Variants in ANKRD17 observed in about 807,000 individuals in gnomAD.
ANKRD17 encodes ankyrin repeat domain 17.
ANKRD17 carries 19 observed loss-of-function variants against 229.7 expected under a neutral mutation model. The observed-to-expected ratio is 0.08, with a 90% confidence interval of 0.06 to 0.12. ANKRD17 has a LOEUF of 0.12. Ranked by LOEUF, ANKRD17 falls within the 10% of genes least tolerant of loss-of-function variation. The pLI is 1.00. For synonymous variants in ANKRD17, 1,112 were observed against 1,146.1 expected, an observed-to-expected ratio of 0.97 and a Z score of 0.60; for missense variants, 2,176 against 3,176.8, an observed-to-expected ratio of 0.68 and a Z score of 7.57.
intron 1 of ANKRD17, among the ~76,000 whole-genome samples, chr4:73,203,758 C>CAAAAAAAAAAAAAAAAAAAAA (rs67020753): frequency 2.4e-5 from 2 of 82,162 alleles, no homozygotes; most frequent in African/African-American, 5.2e-5. Flanking sequence ...GACTCCGTCT[C>CAAAAAAAAAAAAAAAAAAAAA]AAAAAAAAAA....
At chr4:73,118,957 G>T in intron 21 of ANKRD17, 107 bp from the exon 22 acceptor site, 1 of 1,161,808 alleles carries the variant, frequency 8.6e-7, no homozygotes, top group Non-Finnish European at 1.2e-6. Context: ...TGAGATCATG[G>T]CTCACTGCAG....
At chr4:73,107,458 G>C (rs772453358) in intron 24 of ANKRD17, among the ~76,000 whole-genome samples, 2 of 152,146 alleles carry the variant, frequency 1.3e-5, no homozygotes, top group African/African-American at 4.8e-5. Flanking sequence ...GGGGAGGGTG[G>C]ATACAGATAA....
chr4:73,257,498 T>C (rs901993974), intron 1 of ANKRD17, among the ~76,000 whole-genome samples: 15 of 152,212 alleles, frequency 9.9e-5, no homozygotes, highest in Non-Finnish European at 2.1e-4. Flanking sequence ...CAACAGGTCC[T>C]AGCTTAATTC....
chr4:73,245,192 G>C (rs1482620848), intron 1 of ANKRD17, among the ~76,000 whole-genome samples: 1 of 149,700 alleles, frequency 6.7e-6, no homozygotes, highest in Non-Finnish European at 1.5e-5. Context: ...ATCAAGTTAA[G>C]AGTGTTGCTT....
chr4:73,231,871 G>A (rs969966883), intron 1 of ANKRD17, among the ~76,000 whole-genome samples: 2 of 152,144 alleles, frequency 1.3e-5, no homozygotes, highest in Non-Finnish European at 2.9e-5. Context: ...CTCCATAAAC[G>A]CCTATAAGGA....
rs748654641 is a variant in ANKRD17, at chr4:73,153,872, T to C, written c.1234+8A>G. The C allele has an allele frequency of 1.3e-6, 2 of 1,553,820 alleles. No homozygotes were observed. The highest frequency in any genetic ancestry group is 1.4e-5 in the African/African-American group (1 of 73,110). Reference sequence around the variant, plus strand: ...AAAACTTTGTTTTAAGAAAGGTTTATACTGTACCTTTGTAACAAGCTAAGG... The same window carrying C: ...AAAACTTTGTTTTAAGAAAGGTTTACACTGTACCTTTGTAACAAGCTAAGG... On this transcript the variant is annotated splice_region_variant and intron_variant, in intron 6 of 33. Coordinates refer to ENST00000358602, the MANE Select transcript of ANKRD17 (RefSeq NM_032217.5).
chr4:73,098,896 C>A, intron 25 of ANKRD17: 1 of 1,183,892 alleles, frequency 8.4e-7, no homozygotes, highest in Non-Finnish European at 1.3e-6. Flanking sequence ...AGAAGCGGGG[C>A]CGGGGCAGGC....
At chr4:73,199,475 A>G (rs1013123743) in intron 1 of ANKRD17, among the ~76,000 whole-genome samples, 13 of 152,138 alleles carry the variant, frequency 8.5e-5, no homozygotes, top group Non-Finnish European at 1.5e-4. Flanking sequence ...CCTTCAAAAC[A>G]TCAACTGTAG....
At chr4:73,153,105 C>T (rs888522614) in intron 6 of ANKRD17, among the ~76,000 whole-genome samples, 2 of 152,108 alleles carry the variant, frequency 1.3e-5, no homozygotes, top group Non-Finnish European at 2.9e-5. Context: ...TAAGGAGCCA[C>T]TCACATGTAA....
In ANKRD17 at chr4:73,135,003, A is replaced by G. The variant is rs1175061897; in HGVS notation, c.3234+114T>C. ...CTTTAATTAATTTAAAACTGGCTCA[A>G]GACTTTGCCTAGAGACAAAGCAGTC... On this transcript the variant is annotated intron_variant, in intron 16 of 33. Transcript: ENST00000358602. The G allele has an allele frequency of 4.7e-6, 5 of 1,065,560 alleles. No homozygotes were observed. In the African/African-American group the frequency reaches 4.9e-5, roughly 10 times the overall value. The allele number at this position is 1,065,560 out of a possible 1,614,324, so 66.0% of individuals were successfully genotyped here. A position where few individuals can be genotyped will look rare whatever the true frequency, so the allele number is the denominator to read the frequency against.
chr4:73,179,138 CA>C (rs1475084197), intron 1 of ANKRD17, among the ~76,000 whole-genome samples: 3 of 151,802 alleles, frequency 2.0e-5, no homozygotes, highest in Non-Finnish European at 4.4e-5. Flanking sequence ...TATAATTAAT[CA>C]AAACATTTAA....
intron 1 of ANKRD17, among the ~76,000 whole-genome samples, chr4:73,178,683 C>A (rs1040218520): frequency 9.9e-5 from 15 of 151,974 alleles, no homozygotes; most frequent in Non-Finnish European, 1.5e-5. Flanking sequence ...TTGAAATGGT[C>A]TCTGGGCCCT....
intron 24 of ANKRD17, among the ~76,000 whole-genome samples, chr4:73,108,376 T>A (rs767727518): frequency 5.3e-5 from 8 of 152,026 alleles, no homozygotes; most frequent in Non-Finnish European, 1.2e-4. Flanking sequence ...AGATACAAAT[T>A]TGGAATCAAC....
chr4:73,188,013 CACAA>C (rs1736524936), intron 1 of ANKRD17, among the ~76,000 whole-genome samples: 1 of 152,002 alleles, frequency 6.6e-6, no homozygotes, highest in Non-Finnish European at 1.5e-5. Context: ...CTTAGTATAT[CACAA>C]ACAGAGAAAA....
At chr4:73,173,884 T>C (rs1233818889) in intron 2 of ANKRD17, among the ~76,000 whole-genome samples, 1 of 152,082 alleles carries the variant, frequency 6.6e-6, no homozygotes, top group Admixed American at 6.6e-5. Context: ...CTAGCAGAAT[T>C]AGGGAGGGGT....
At chr4:73,135,496 C>T (rs1728779224) in intron 15 of ANKRD17, among the ~76,000 whole-genome samples, 1 of 152,014 alleles carries the variant, frequency 6.6e-6, no homozygotes, top group South Asian at 2.1e-4. Context: ...AAACAAATTC[C>T]CCTGTTATAA....
intron 1 of ANKRD17, among the ~76,000 whole-genome samples, chr4:73,245,640 C>A (rs1174867607): frequency 6.6e-6 from 1 of 152,136 alleles, no homozygotes; most frequent in Non-Finnish European, 1.5e-5. Flanking sequence ...TGTAATAAAT[C>A]TCTTAATACA....
intron 1 of ANKRD17, among the ~76,000 whole-genome samples, chr4:73,179,958 C>G (rs1033531805): frequency 3.3e-5 from 5 of 151,708 alleles, no homozygotes; most frequent in African/African-American, 1.2e-4. Context: ...AAGCTGTTTC[C>G]TAATGAAATT....
intron 2 of ANKRD17, among the ~76,000 whole-genome samples, chr4:73,167,949 G>A (rs1733449001): frequency 6.6e-6 from 1 of 151,610 alleles, no homozygotes; most frequent in African/African-American, 2.4e-5. Flanking sequence ...TCAGGAGATC[G>A]ACACCATCCT....
Sources: gnomAD v4.1 joint callset for allele counts (sites outside exome capture counted in the v4.1 genomes callset) on GRCh38, gnomAD v4.1.1 for gene constraint, MANE v1.5 for transcripts, NCBI Gene and HGNC (gene_info 2026-07-23, HGNC 2026-07-21) for gene names.